TNNI3K: variants seen among roughly 807,000 people sequenced by gnomAD.
The protein encoded by TNNI3K is TNNI3 interacting kinase, also known as serine/threonine-protein kinase TNNI3K.
TNNI3K carries 140 observed loss-of-function variants against 114.5 expected under a neutral mutation model. The observed-to-expected ratio is 1.22, with a 90% CI of 1.07 to 1.41. The LOEUF is 1.41. Ranked by LOEUF, TNNI3K falls within the 40% of genes most tolerant of loss-of-function variation. The pLI is 0.00. For missense variants in TNNI3K, 1,125 were observed against 1,007.6 expected, an observed-to-expected ratio of 1.12 and a Z score of -1.58; for synonymous variants, 347 against 347.5, an observed-to-expected ratio of 1.00 and a Z score of 0.02.
intron 4 of TNNI3K, among the ~76,000 whole-genome samples, chr1:74,256,014 C>T (rs1030781032): frequency 6.6e-6 from 1 of 152,154 alleles, no homozygotes; most frequent in African/African-American, 2.4e-5. Flanking sequence ...TACCATTTAC[C>T]TGCTGATGGA....
chr1:74,407,519 T>G (rs1370267554), intron 17 of TNNI3K, among the ~76,000 whole-genome samples: 1 of 152,222 alleles, frequency 6.6e-6, no homozygotes, highest in Non-Finnish European at 1.5e-5. Context: ...GGCACAGTCA[T>G]AGATTTTGTT....
At chr1:74,402,458 C>T (rs558929382) in intron 17 of TNNI3K, among the ~76,000 whole-genome samples, 13 of 152,238 alleles carry the variant, frequency 8.5e-5, no homozygotes, top group African/African-American at 2.4e-4. Flanking sequence ...TGGAATTACA[C>T]GGAAGTCTTG....
intron 11 of TNNI3K, among the ~76,000 whole-genome samples, chr1:74,366,424 G>A (rs1173955430): frequency 6.6e-6 from 1 of 151,946 alleles, no homozygotes; most frequent in Non-Finnish European, 1.5e-5. Flanking sequence ...AGTGTAACTA[G>A]TAAACACTAG....
intron 5 of TNNI3K, among the ~76,000 whole-genome samples, chr1:74,321,997 A>G (rs1239706937): frequency 6.6e-6 from 1 of 152,140 alleles, no homozygotes. Context: ...TTAAAAATAG[A>G]AAAGCCTATA....
intron 4 of TNNI3K, among the ~76,000 whole-genome samples, chr1:74,254,170 T>A (rs1180794561): frequency 1.3e-5 from 2 of 152,202 alleles, no homozygotes; most frequent in Admixed American, 6.5e-5. Context: ...TTATTTTTTT[T>A]TAGAACCATT....
At chr1:74,280,368 C>T (rs1020040850) in intron 5 of TNNI3K, among the ~76,000 whole-genome samples, 2 of 149,766 alleles carry the variant, frequency 1.3e-5, no homozygotes, top group African/African-American at 2.5e-5. Flanking sequence ...GGTGACAGAG[C>T]GAAACTCCAT....
chr1:74,374,841 T>C (rs975405833), intron 17 of TNNI3K: 1 of 152,008 alleles, frequency 6.6e-6, no homozygotes, highest in African/African-American at 2.4e-5. Context: ...TTTTGTGGCA[T>C]TGGAGTTTGC....
At chr1:74,409,405 A>G (rs1025463266) in intron 17 of TNNI3K, among the ~76,000 whole-genome samples, 2 of 151,146 alleles carry the variant, frequency 1.3e-5, no homozygotes, top group African/African-American at 4.9e-5. Flanking sequence ...AGCGTTCTTT[A>G]TTGCTTTGAT....
At chr1:74,466,543 G>C (rs974975233) in intron 21 of TNNI3K, among the ~76,000 whole-genome samples, 2 of 152,164 alleles carry the variant, frequency 1.3e-5, no homozygotes, top group Admixed American at 6.5e-5. Context: ...TTGTCAGCAC[G>C]GAGTCTTTGT....
At chr1:74,406,717 A>T (rs1664631683) in intron 17 of TNNI3K, among the ~76,000 whole-genome samples, 1 of 152,240 alleles carries the variant, frequency 6.6e-6, no homozygotes, top group Admixed American at 6.5e-5. Flanking sequence ...TAGGGATTAC[A>T]GTGTACACAT....
At chr1:74,516,836 G>A (rs1389490920) in intron 23 of TNNI3K, among the ~76,000 whole-genome samples, 1 of 152,146 alleles carries the variant, frequency 6.6e-6, no homozygotes, top group Non-Finnish European at 1.5e-5. Context: ...GGATTTTTCA[G>A]TGTTGGAATA....
intron 6 of TNNI3K, among the ~76,000 whole-genome samples, chr1:74,332,664 A>G (rs1016006961): frequency 2.0e-5 from 3 of 152,112 alleles, no homozygotes; most frequent in Non-Finnish European, 4.4e-5. Context: ...TGCCAGAGTC[A>G]TGCGCTATTA....
At chr1:74,542,884 A>G (rs890903593) in intron 24 of TNNI3K, among the ~76,000 whole-genome samples, 8 of 152,122 alleles carry the variant, frequency 5.3e-5, no homozygotes, top group African/African-American at 1.2e-4. Context: ...CTGAGCCACT[A>G]GTTTAATTCT....
intron 7 of TNNI3K, among the ~76,000 whole-genome samples, chr1:74,342,581 A>G (rs1178873602): frequency 6.6e-6 from 1 of 152,152 alleles, no homozygotes; most frequent in Non-Finnish European, 1.5e-5. Context: ...GAACTGTTCC[A>G]CTGTGTAAGA....
At position 74,401,519 on chromosome 1, in the gene TNNI3K, G is replaced by C. The variant is rs944315434; in HGVS notation, c.1772+31127G>C. 8.5e-5 allele frequency among the ~76,000 whole-genome samples: 13 copies of C among 152,142 alleles called. No homozygotes were observed. In the East Asian group the frequency reaches 1.2e-3, roughly 14 times the overall value. On this transcript the variant is annotated intron_variant, in intron 17 of 24. Coordinates refer to ENST00000326637, the MANE Select transcript of TNNI3K (RefSeq NM_015978.3). ...ATTGTTTGGTAAATTCTACTGTTCAGTTATTGGGAAGCTAAATAATCCATA... is the reference window on the plus strand; with the variant it reads ...ATTGTTTGGTAAATTCTACTGTTCACTTATTGGGAAGCTAAATAATCCATA...
chr1:74,310,657 A>G (rs1658937575), intron 5 of TNNI3K, among the ~76,000 whole-genome samples: 1 of 152,166 alleles, frequency 6.6e-6, no homozygotes, highest in Non-Finnish European at 1.5e-5. Context: ...ACCTAGAAAT[A>G]AAGAATAAAA....
At chr1:74,441,594 T>C (rs983066505) in intron 20 of TNNI3K, among the ~76,000 whole-genome samples, 1 of 152,140 alleles carries the variant, frequency 6.6e-6, no homozygotes, top group African/African-American at 2.4e-5. Context: ...CCATTATGAA[T>C]TTCCAACAGT....
chr1:74,260,502 C>T (rs928872801), intron 4 of TNNI3K, among the ~76,000 whole-genome samples: 2 of 152,032 alleles, frequency 1.3e-5, no homozygotes, highest in African/African-American at 2.4e-5. Flanking sequence ...ATTTTCTAAC[C>T]TCTAAAATGA....
chr1:74,309,142 G>A (rs1658828316), intron 5 of TNNI3K, among the ~76,000 whole-genome samples: 1 of 151,590 alleles, frequency 6.6e-6, no homozygotes, highest in Middle Eastern at 3.2e-3. Context: ...GCCGAGGTGG[G>A]CGGATCACGA....
Sources: gnomAD v4.1 joint callset for allele counts (sites outside exome capture counted in the v4.1 genomes callset) on GRCh38, gnomAD v4.1.1 for gene constraint, MANE v1.5 for transcripts, NCBI Gene and HGNC (gene_info 2026-07-23, HGNC 2026-07-21) for gene names.